Variants in PRDM11 observed in about 807,000 individuals in gnomAD.
The protein encoded by PRDM11 is PR domain-containing protein 11.
Under a neutral mutation model 97.8 loss-of-function variants are expected in PRDM11, and 20 were observed. The observed-to-expected ratio is 0.20, with a 90% CI of 0.14 to 0.30. The LOEUF is 0.30. Among genes scored for constraint, PRDM11 ranks in the 10% least tolerant of loss-of-function variants. The probability of loss-of-function intolerance (pLI) is 1.00; values close to 1 mark genes in which losing one functional copy is unlikely to be tolerated. For synonymous variants in PRDM11, 599 were observed against 637.7 expected (o/e 0.94, Z 0.91); for missense variants, 1,139 against 1,555.2 (o/e 0.73, Z 4.50).
At chr11:45,141,170 A>AGTT in intron 1 of PRDM11, among the ~76,000 whole-genome samples, 1 of 152,210 alleles carries the variant, frequency 6.6e-6, no homozygotes, top group African/African-American at 2.4e-5. Flanking sequence ...TTTGGTGAAT[A>AGTT]ACTGCATGAT....
intron 1 of PRDM11, among the ~76,000 whole-genome samples, chr11:45,173,437 C>T (rs1326293381): frequency 6.6e-6 from 1 of 151,960 alleles, no homozygotes; most frequent in Non-Finnish European, 1.5e-5. Flanking sequence ...ACCTGGTCAA[C>T]ATGATGAAAC....
chr11:45,095,850 G>A (rs1851881434), exon 1 of PRDM11: 1 of 779,786 alleles, frequency 1.3e-6, no homozygotes, highest in Admixed American at 1.7e-5. Flanking sequence ...TGATCGTGGA[G>A]TGCCGGGCCT....
In PRDM11 at chr11:45,226,275, G is replaced by A; in HGVS notation, c.1650G>A (p.Lys550=). The A allele has an allele frequency of 2.6e-6, 4 of 1,533,994 alleles. No individual in the cohort carries two copies. The highest frequency in any genetic ancestry group is 3.5e-6 in the Non-Finnish European group (4 of 1,146,744). The part of the protein sequence containing the change: ...SRTSAFIIGS[K]QFKIHTIKLH... ...CCTCGGCCTTCATCATTGGCTCCAAGCAGTTTAAGATTCACACCATCAAAC... is the reference window on the plus strand; with the variant it reads ...CCTCGGCCTTCATCATTGGCTCCAAACAGTTTAAGATTCACACCATCAAAC... The change falls in exon 8 of 8, where the codon AAG becomes AAA. Residue 550 remains lysine, a synonymous_variant. Transcript: ENST00000683152.
At chr11:45,145,008 C>T (rs965272269), upstream of PRDM11, among the ~76,000 whole-genome samples, 2 of 152,092 alleles carry the variant, frequency 1.3e-5, no homozygotes, top group Non-Finnish European at 2.9e-5. Context: ...CCCCAGTACC[C>T]GACACTCTGC....
intron 1 of PRDM11, among the ~76,000 whole-genome samples, chr11:45,130,083 G>A (rs1852684911): frequency 1.3e-5 from 2 of 152,158 alleles, no homozygotes; most frequent in South Asian, 4.1e-4. Flanking sequence ...ATATTCATAT[G>A]GGAAAAAAAT....
chr11:45,156,812 G>A (rs941551968), intron 1 of PRDM11, among the ~76,000 whole-genome samples: 2 of 152,160 alleles, frequency 1.3e-5, no homozygotes, highest in African/African-American at 4.8e-5. Context: ...AGGAGGTGAC[G>A]ATGAGCTGGA....
At chr11:45,184,545 G>A (rs1852633743) in intron 4 of PRDM11, among the ~76,000 whole-genome samples, 1 of 152,142 alleles carries the variant, frequency 6.6e-6, no homozygotes, top group South Asian at 2.1e-4. Flanking sequence ...AGAGAGGAGA[G>A]CTCTGACTTA....
At chr11:45,170,334 C>T (rs1442256759) in intron 1 of PRDM11, among the ~76,000 whole-genome samples, 2 of 149,492 alleles carry the variant, frequency 1.3e-5, no homozygotes, top group South Asian at 2.2e-4. Context: ...CAGAACAAGA[C>T]ACTGTCTCAA....
At chr11:45,155,001 T>C (rs184940250) in intron 1 of PRDM11, among the ~76,000 whole-genome samples, 2 of 151,714 alleles carry the variant, frequency 1.3e-5, no homozygotes, top group East Asian at 3.9e-4. Context: ...CTGCAGGGAG[T>C]GTGGCTGGAA....
At chr11:45,171,652 G>C (rs1852203792) in intron 1 of PRDM11, among the ~76,000 whole-genome samples, 3 of 152,294 alleles carry the variant, frequency 2.0e-5, no homozygotes, top group Non-Finnish European at 4.4e-5. Flanking sequence ...CATCTGGAAT[G>C]GGACTGGGGA....
intron 1 of PRDM11, among the ~76,000 whole-genome samples, chr11:45,138,501 G>A (rs1299539797): frequency 6.6e-6 from 1 of 152,222 alleles, no homozygotes; most frequent in Non-Finnish European, 1.5e-5. Context: ...CTAAGAAGTT[G>A]AGGCTGCAGG....
intron 1 of PRDM11, among the ~76,000 whole-genome samples, chr11:45,127,944 A>C (rs1175153059): frequency 6.6e-6 from 1 of 152,252 alleles, no homozygotes; most frequent in Non-Finnish European, 1.5e-5. Context: ...CCCTGCCCCC[A>C]GAGGTGGAGC....
chr11:45,176,103 C>T (rs555530088), intron 1 of PRDM11, among the ~76,000 whole-genome samples: 52 of 152,006 alleles, frequency 3.4e-4, no homozygotes, highest in Non-Finnish European at 6.2e-4. Flanking sequence ...AATTTTTGGC[C>T]GGGTGTGGTA....
In PRDM11 at chr11:45,226,760, C is replaced by T; in HGVS notation, c.2135C>T (p.Ala712Val). 1 of 1,533,976 alleles carries T rather than the reference C, an allele frequency of 6.5e-7. No homozygotes were observed. Among genetic ancestry groups the T allele is most frequent in the East Asian group, 2.4e-5 (1 of 40,910 alleles). ...TESYLQALDR[A>V]FSALGIRLQD... is the part of the protein sequence containing the mutation. ...AGCTATCTCCAGGCACTTGACCGGG[C>T]CTTCTCGGCCTTGGGCATCCGGTTG... The change falls in exon 8 of 8, where the codon GCC (alanine) becomes GTC (valine). Residue 712 changes from alanine to valine, a missense_variant. Physicochemically the swap from Ala to Val is moderately conservative, Grantham distance 64. Transcript: ENST00000683152.
chr11:45,201,330 C>T (rs552489819), intron 4 of PRDM11, among the ~76,000 whole-genome samples: 34 of 152,066 alleles, frequency 2.2e-4, no homozygotes, highest in Admixed American at 1.0e-3. Context: ...TCACAAAATT[C>T]CTGAAAATTT....
chr11:45,127,157 A>G lies in PRDM11; in HGVS notation c.96+31256A>G, dbSNP rs1040178169. On this transcript the variant is annotated intron_variant, in intron 1 of 6. Transcript: ENST00000530656. Reference sequence around the variant, plus strand: ...CTCCTGAGGCTTCTGCATTCTTCACATAGTTCTCCAGCCTTGGCTTTCAGC... The same window carrying G: ...CTCCTGAGGCTTCTGCATTCTTCACGTAGTTCTCCAGCCTTGGCTTTCAGC... 5.3e-5 allele frequency among the ~76,000 whole-genome samples: 8 copies of G among 152,102 alleles called. 1 individual carries two copies. Among genetic ancestry groups the G allele is most frequent in the South Asian group, 2.1e-4 (1 of 4,824 alleles).
At chr11:45,124,769 A>G (rs1211738134) in intron 1 of PRDM11, among the ~76,000 whole-genome samples, 3 of 152,184 alleles carry the variant, frequency 2.0e-5, no homozygotes, top group Non-Finnish European at 4.4e-5. Context: ...TTTTGCATCA[A>G]TGTTCATCAA....
In PRDM11 at chr11:45,231,424, G is replaced by T. The variant is rs1331978323; in HGVS notation, c.*3265G>T. ...ACAGAACTGTGGAAAAGCAGTTGGT[G>T]GATCCCAAATGTTGTTACTTCAGAC... On this transcript the variant is annotated 3_prime_UTR_variant, in exon 8 of 8. Coordinates refer to ENST00000683152, the MANE Select transcript of PRDM11 (RefSeq NM_001384648.1). 1 of 152,150 alleles carries T rather than the reference G, an allele frequency of 6.6e-6. No individual in the cohort carries two copies. Among genetic ancestry groups the T allele is most frequent in the Admixed American group, 6.5e-5 (1 of 15,268 alleles). 9.4% of individuals were successfully genotyped at this position (152,150 alleles called of 1,614,324 possible). A position where few individuals can be genotyped will look rare whatever the true frequency, so the allele number is the denominator to read the frequency against.
At chr11:45,096,787 T>C (rs1482935088) in intron 1 of PRDM11, among the ~76,000 whole-genome samples, 1 of 152,234 alleles carries the variant, frequency 6.6e-6, no homozygotes, top group African/African-American at 2.4e-5. Flanking sequence ...GAAATGCCTT[T>C]TTCTACTCTG....
Sources: allele counts gnomAD v4.1 joint callset (sites outside exome capture counted in the v4.1 genomes callset), GRCh38; gene constraint gnomAD v4.1.1; transcripts MANE v1.5; gene names NCBI Gene and HGNC (gene_info 2026-07-23, HGNC 2026-07-21).